SPOCK1: variants seen among roughly 807,000 people sequenced by gnomAD.
The protein encoded by SPOCK1 is testican-1.
Under a neutral mutation model 55.3 loss-of-function variants are expected in SPOCK1, and 23 were observed. That is an observed-to-expected ratio of 0.42 (90% CI 0.30 to 0.59). SPOCK1 has a LOEUF of 0.59. Among genes scored for constraint, SPOCK1 ranks in the 20% least tolerant of loss-of-function variants. The probability of loss-of-function intolerance (pLI) is 0.22; values close to 1 mark genes in which losing one functional copy is unlikely to be tolerated. For missense variants in SPOCK1, 499 were observed against 552.5 expected, an observed-to-expected ratio of 0.90 and a Z score of 0.97; for synonymous variants, 226 against 221.0, an observed-to-expected ratio of 1.02 and a Z score of -0.20.
At chr5:137,149,508 A>T (rs1754270508) in intron 3 of SPOCK1, among the ~76,000 whole-genome samples, 2 of 152,240 alleles carry the variant, frequency 1.3e-5, no homozygotes, top group African/African-American at 2.4e-5. Context: ...AGAGAATAAG[A>T]GGGCATAAAA....
chr5:137,107,686 T>C (rs182373488), intron 5 of SPOCK1, among the ~76,000 whole-genome samples: 314 of 152,258 alleles, frequency 2.1e-3, no homozygotes, highest in African/African-American at 6.6e-3. Flanking sequence ...GACTCCACAA[T>C]GCATCCACCA....
intron 5 of SPOCK1, among the ~76,000 whole-genome samples, chr5:137,075,051 CT>C (rs1752728590): frequency 1.3e-5 from 2 of 152,142 alleles, no homozygotes; most frequent in South Asian, 2.1e-4. Context: ...GTTGGCCAGG[CT>C]GTTTTCGAAC....
intron 2 of SPOCK1, among the ~76,000 whole-genome samples, chr5:137,359,545 T>C (rs1487858905): frequency 6.6e-6 from 1 of 152,224 alleles, no homozygotes; most frequent in Admixed American, 6.5e-5. Flanking sequence ...TCTAATTTAA[T>C]CCTAACAGCC....
intron 2 of SPOCK1, among the ~76,000 whole-genome samples, chr5:137,408,046 A>G (rs1482724674): frequency 1.3e-5 from 2 of 151,790 alleles, no homozygotes; most frequent in African/African-American, 4.8e-5. Flanking sequence ...TGTAGATGAT[A>G]TTTCATCTCC....
intron 3 of SPOCK1, among the ~76,000 whole-genome samples, chr5:137,186,035 TG>T (rs1326962929): frequency 6.6e-6 from 1 of 152,130 alleles, no homozygotes. Context: ...AGAATAGAGA[TG>T]GTTATTGGGA....
At chr5:137,416,307 T>C (rs972818685) in intron 2 of SPOCK1, among the ~76,000 whole-genome samples, 1 of 150,846 alleles carries the variant, frequency 6.6e-6, no homozygotes, top group Non-Finnish European at 1.5e-5. Flanking sequence ...AAAAAAAAAT[T>C]AAATGCTTCA....
intron 3 of SPOCK1, among the ~76,000 whole-genome samples, chr5:137,201,971 A>G (rs1232248743): frequency 6.6e-6 from 1 of 152,238 alleles, no homozygotes; most frequent in Non-Finnish European, 1.5e-5. Context: ...CGAGGCCCAG[A>G]TGTGGCACTG....
intron 2 of SPOCK1, among the ~76,000 whole-genome samples, chr5:137,476,678 G>A (rs986722149): frequency 3.3e-5 from 5 of 152,102 alleles, no homozygotes; most frequent in South Asian, 2.1e-4. Flanking sequence ...TAATGCCAGC[G>A]CTTTGGCAGG....
At chr5:137,067,610 A>T in intron 6 of SPOCK1, 105 bp downstream of exon 6, 1 of 950,010 alleles carries the variant, frequency 1.1e-6, no homozygotes, top group Non-Finnish European at 1.6e-6. Flanking sequence ...ATGTCTGCTC[A>T]TTTCTCCAGT....
intron 2 of SPOCK1, among the ~76,000 whole-genome samples, chr5:137,352,191 T>C (rs1193677671): frequency 1.3e-5 from 2 of 152,252 alleles, no homozygotes; most frequent in African/African-American, 4.8e-5. Context: ...AGAGCTGATA[T>C]ACTGCAGGCC....
chr5:137,185,704 A>AGGGTGCC (rs149715305), intron 3 of SPOCK1, among the ~76,000 whole-genome samples: 6,096 of 152,218 alleles, frequency 0.04, 208 homozygotes, highest in East Asian at 0.14. Flanking sequence ...CCGTGGTGCC[A>AGGGTGCC]GGGTGCCGAG....
rs150421254 is a variant in SPOCK1, at chr5:137,140,681, G to T, written c.246C>A (p.Ser82=). The change falls in exon 4 of 11, where the codon TCC becomes TCA. Residue 82 remains serine, a synonymous_variant. Coordinates refer to ENST00000394945, the MANE Select transcript of SPOCK1 (RefSeq NM_004598.4). ...NKPFDQALDP[S]KDPCLKVKCS... ...ATTTTACCTTCAGGCAGGGGTCCTT[G>T]GATGGGTCCAGGGCTGAGGCAAAAA... 1 of 1,613,284 alleles carries T rather than the reference G, an allele frequency of 6.2e-7. No homozygotes were observed. Among genetic ancestry groups the T allele is most frequent in the Admixed American group, 1.7e-5 (1 of 59,930 alleles).
chr5:137,177,375 G>C (rs1275720939), intron 3 of SPOCK1, among the ~76,000 whole-genome samples: 1 of 152,166 alleles, frequency 6.6e-6, no homozygotes, highest in Non-Finnish European at 1.5e-5. Flanking sequence ...GGGGTTGGAG[G>C]AGACCAGAGG....
intron 2 of SPOCK1, among the ~76,000 whole-genome samples, chr5:137,311,240 A>G (rs1757784362): frequency 6.6e-6 from 1 of 152,302 alleles, no homozygotes; most frequent in East Asian, 1.9e-4. Flanking sequence ...CACTGATCCC[A>G]GAAAAAAAAA....
chr5:137,268,867 A>T (rs1286756500), intron 2 of SPOCK1, among the ~76,000 whole-genome samples: 2 of 152,220 alleles, frequency 1.3e-5, no homozygotes, highest in Non-Finnish European at 2.9e-5. Context: ...AAGCCCTTGG[A>T]AGCTCAGGCT....
At chr5:137,460,059 G>A (rs1753448177) in intron 2 of SPOCK1, among the ~76,000 whole-genome samples, 1 of 152,184 alleles carries the variant, frequency 6.6e-6, no homozygotes, top group African/African-American at 2.4e-5. Flanking sequence ...CAGTAAGTAG[G>A]ACTAAATGGT....
chr5:137,213,689 T>C (rs1442663440), intron 3 of SPOCK1, among the ~76,000 whole-genome samples: 1 of 152,196 alleles, frequency 6.6e-6, no homozygotes, highest in Non-Finnish European at 1.5e-5. Flanking sequence ...TAGTTCCCCA[T>C]CTGTAAAATA....
At chr5:137,375,354 A>G (rs1751290405) in intron 2 of SPOCK1, among the ~76,000 whole-genome samples, 1 of 152,228 alleles carries the variant, frequency 6.6e-6, no homozygotes, top group Non-Finnish European at 1.5e-5. Flanking sequence ...TTCACTTTAT[A>G]TCAAATTCAA....
chr5:136,991,715 A>T (rs1024039491), intron 7 of SPOCK1, among the ~76,000 whole-genome samples: 3 of 152,230 alleles, frequency 2.0e-5, no homozygotes, highest in Admixed American at 1.3e-4. Context: ...TTCTGTGCTC[A>T]TTGGCCACAG....
Sources: allele counts gnomAD v4.1 joint callset (sites outside exome capture counted in the v4.1 genomes callset), GRCh38; gene constraint gnomAD v4.1.1; transcripts MANE v1.5; gene names NCBI Gene and HGNC (gene_info 2026-07-23, HGNC 2026-07-21).